GIT2: variants seen among roughly 807,000 people sequenced by gnomAD.
GIT2 encodes GIT ArfGAP 2, also known as ARF GTPase-activating protein GIT2.
A neutral mutation model predicts 100.3 loss-of-function variants in GIT2; 32 were observed. The observed-to-expected ratio is 0.32, with a 90% CI of 0.24 to 0.43. GIT2 has a LOEUF of 0.43. Among genes scored for constraint, GIT2 ranks in the 20% least tolerant of loss-of-function variants. The pLI, the probability that GIT2 is intolerant of heterozygous loss-of-function variation, is 1.00. For missense variants in GIT2, 737 were observed against 975.1 expected (o/e 0.76, Z 3.25); for synonymous variants, 353 against 364.1 (o/e 0.97, Z 0.35).
chr12:109,981,427 C>T (rs1217165835), intron 6 of GIT2: 1 of 197,966 alleles, frequency 5.1e-6, no homozygotes, highest in Non-Finnish European at 1.1e-5. Flanking sequence ...GTGCAGGCCC[C>T]ACCCTTGGAA....
chr12:109,994,985 T>C (rs998324365), intron 1 of GIT2, among the ~76,000 whole-genome samples: 1 of 152,186 alleles, frequency 6.6e-6, no homozygotes, highest in East Asian at 1.9e-4. Context: ...CACATGAGGT[T>C]TGAGTTATCA....
At position 109,953,164 on chromosome 12, in the gene GIT2, G is replaced by A. The variant is rs770438647; in HGVS notation, c.1170C>T (p.Pro390=). The change falls in exon 13 of 20, where the codon CCC becomes CCT. Residue 390 remains proline (P), a synonymous_variant. Coordinates refer to ENST00000355312, the MANE Select transcript of GIT2 (RefSeq NM_057169.5). The part of the protein sequence containing the change: ...HSVESQDNDQ[P]DYDSVASDED... ...CGTCTGATGCCACGCTGTCATAGTCGGGCTGATCGTTGTCTTGACTCTCAA... is the reference window on the plus strand; with the variant it reads ...CGTCTGATGCCACGCTGTCATAGTCAGGCTGATCGTTGTCTTGACTCTCAA... 8 of 1,613,710 alleles carry A rather than the reference G, an allele frequency of 5.0e-6. No individual in the cohort carries two copies. The highest frequency in any genetic ancestry group is 3.3e-5 in the Admixed American group (2 of 59,994).
At chr12:109,995,392 T>C (rs1445991764) in intron 1 of GIT2, among the ~76,000 whole-genome samples, 1 of 152,220 alleles carries the variant, frequency 6.6e-6, no homozygotes, top group Non-Finnish European at 1.5e-5. Context: ...CTACAAGAGT[T>C]CTACTGTAGA....
At chr12:109,985,063 T>C (rs1254091140) in intron 4 of GIT2, among the ~76,000 whole-genome samples, 1 of 152,216 alleles carries the variant, frequency 6.6e-6, no homozygotes, top group Non-Finnish European at 1.5e-5. Context: ...AACCTAGAAT[T>C]GTCCAAGATG....
chr12:109,956,965 C>T (rs777812229), intron 12 of GIT2, among the ~76,000 whole-genome samples: 4 of 151,712 alleles, frequency 2.6e-5, no homozygotes, highest in Non-Finnish European at 5.9e-5. Context: ...TTGCAGTGAG[C>T]CAAGATCGCG....
intron 8 of GIT2, chr12:109,965,869 G>A (rs933554251): frequency 1.9e-6 from 1 of 519,752 alleles, no homozygotes; most frequent in South Asian, 1.6e-5. Flanking sequence ...CTTATGTGAG[G>A]AGTCACAATT....
At chr12:109,941,019 GC>G (rs1327004442) in intron 16 of GIT2, among the ~76,000 whole-genome samples, 2 of 151,458 alleles carry the variant, frequency 1.3e-5, no homozygotes, top group African/African-American at 2.4e-5. Context: ...ACGTGGAGAA[GC>G]CCCCCTTATT....
intron 7 of GIT2, 174 bp downstream of exon 7, chr12:109,980,777 TA>T: frequency 1.6e-6 from 1 of 608,116 alleles, no homozygotes; most frequent in Non-Finnish European, 3.0e-6. Flanking sequence ...TCCAACTTTA[TA>T]TCTTTTACAT....
At position 109,962,275 on chromosome 12, in the gene GIT2, C is replaced by G. The variant is rs1043175530; in HGVS notation, c.817-590G>C. 3.3e-5 allele frequency among the ~76,000 whole-genome samples: 5 copies of G among 152,290 alleles called. No homozygotes were observed. Among genetic ancestry groups the G allele is most frequent in the African/African-American group, 1.2e-4 (5 of 41,556 alleles). On this transcript the variant is annotated intron_variant, in intron 9 of 19. Coordinates refer to ENST00000355312, the MANE Select transcript of GIT2 (RefSeq NM_057169.5). The surrounding 1 kb of genome is among the most constrained non-coding windows in gnomAD (Gnocchi z 4.3). ...GGCTGAGGCAGGAGGATCACTTCAG[C>G]CCAGGATATCAAGGCTGCAGTGAGC...
At chr12:109,936,801 C>T (rs542520513) in intron 18 of GIT2, among the ~76,000 whole-genome samples, 5 of 150,114 alleles carry the variant, frequency 3.3e-5, no homozygotes, top group South Asian at 4.2e-4. Context: ...GCCAAGGAGG[C>T]GGAAGTTGCA....
chr12:109,994,002 T>C (rs943983083), intron 1 of GIT2, among the ~76,000 whole-genome samples: 2 of 149,638 alleles, frequency 1.3e-5, no homozygotes, highest in Non-Finnish European at 2.9e-5. Flanking sequence ...AGATTGGAAA[T>C]GTCCAGATGA....
Position 109,948,367 on chromosome 12 carries a change from C to G in GIT2, c.1393-863G>C. ...CTCAGTGGTGTCAGCTTTGAACATG[C>G]TAATCTGCCTGGCACCACCCCATTT... On this transcript the variant is annotated intron_variant, in intron 14 of 19. Coordinates refer to ENST00000355312, the MANE Select transcript of GIT2 (RefSeq NM_057169.5). The surrounding 1 kb of genome is among the most constrained non-coding windows in gnomAD (Gnocchi z 4.3). 1 of 991,474 alleles carries G rather than the reference C, an allele frequency of 1.0e-6. No individual in the cohort carries two copies. The highest frequency in any genetic ancestry group is 1.2e-6 in the Non-Finnish European group (1 of 833,968). The allele number at this position is 991,474 out of a possible 1,614,324, so 61.4% of individuals were successfully genotyped here. A position where few individuals can be genotyped will look rare whatever the true frequency, so the allele number is the denominator to read the frequency against.
chr12:109,972,562 G>A (rs990443923), intron 7 of GIT2, among the ~76,000 whole-genome samples: 4 of 151,262 alleles, frequency 2.6e-5, no homozygotes, highest in Non-Finnish European at 4.4e-5. Context: ...TCTGCTTCCC[G>A]GGTTCTAAGT....
chr12:109,996,204 G>A lies in GIT2; in HGVS notation c.21C>T (p.Ser7=). 1.3e-6 allele frequency: 2 copies of A among 1,532,706 alleles called. No homozygotes were observed. Among genetic ancestry groups the A allele is most frequent in the Non-Finnish European group, 1.8e-6 (2 of 1,139,780 alleles). 94.9% of individuals were successfully genotyped at this position (1,532,706 alleles called of 1,614,324 possible). A position where few individuals can be genotyped will look rare whatever the true frequency, so the allele number is the denominator to read the frequency against. ...CGCTGCAGTCAGCGCACACCTCGCTGCTCCGGAGCCGTTTCGACATGGCTC... is the reference window on the plus strand; with the variant it reads ...CGCTGCAGTCAGCGCACACCTCGCTACTCCGGAGCCGTTTCGACATGGCTC... The part of the protein sequence containing the change: MSKRLR[S]SEVCADCSGP... Residue 7 remains serine, a synonymous_variant, in exon 1 of 20, where the codon AGC becomes AGT. Transcript: ENST00000355312.
intron 18 of GIT2, among the ~76,000 whole-genome samples, chr12:109,938,011 CT>C (rs1345397380): frequency 6.6e-6 from 1 of 152,076 alleles, no homozygotes; most frequent in African/African-American, 2.4e-5. Context: ...CCCAGGATAC[CT>C]TTTGTGTCAG....
Position 109,933,955 on chromosome 12 carries a change from G to T in GIT2, c.2067+67C>A. 1.2e-6 allele frequency: 1 copy of T among 866,466 alleles called. No homozygotes were observed. The highest frequency in any genetic ancestry group is 2.4e-5 in the East Asian group (1 of 41,464). The allele number at this position is 866,466 out of a possible 1,614,324, so 53.7% of individuals were successfully genotyped here. ...TACAAAAAAGCTAATGTAATATATA[G>T]GTCATAAAGAAATTTCTTGCTGTTC... On this transcript the variant is annotated intron_variant, in intron 19 of 19. Transcript: ENST00000355312. This position sits in a 1 kb window ranked among gnomAD's most constrained non-coding sequence, Gnocchi z 4.5.
chr12:109,971,473 C>A (rs1340507904), intron 7 of GIT2, among the ~76,000 whole-genome samples: 1 of 151,668 alleles, frequency 6.6e-6, no homozygotes, highest in Non-Finnish European at 1.5e-5. Flanking sequence ...CTACAGGCGC[C>A]CACCACCATG....
rs950618079 is a variant in GIT2, at chr12:109,967,444, T to G, written c.764+14A>C. 3 of 1,572,150 alleles carry G rather than the reference T, an allele frequency of 1.9e-6. No individual in the cohort carries two copies. The highest frequency in any genetic ancestry group is 2.6e-6 in the Non-Finnish European group (3 of 1,142,162). ...AGCGATAGACAAAACTAACTGGTAT[T>G]TCAATGAGCTTACCTGTCTGCCATT... On this transcript the variant is annotated intron_variant, in intron 8 of 19. Coordinates refer to ENST00000355312, the MANE Select transcript of GIT2 (RefSeq NM_057169.5).
chr12:109,967,222 A>C (rs916781762), intron 8 of GIT2: 2 of 830,438 alleles, frequency 2.4e-6, no homozygotes, highest in South Asian at 1.6e-5. Flanking sequence ...ACTGGCTAAA[A>C]CAGTGACAAT....
Sources: gnomAD v4.1 joint callset for allele counts (sites outside exome capture counted in the v4.1 genomes callset) on GRCh38, gnomAD v4.1.1 for gene constraint, Gnocchi (gnomAD v3.1) non-coding constraint, MANE v1.5 for transcripts, NCBI Gene and HGNC (gene_info 2026-07-23, HGNC 2026-07-21) for gene names.